The following CHLSN variants were observed in gnomAD, a reference collection of about 807,000 sequenced individuals.
CHLSN encodes cholesin, also known as protein cholesin.
the CHLSN span, among the ~76,000 whole-genome samples, chr7:1,016,874 GC>G: frequency 1.6e-5 from 1 of 61,972 alleles, no homozygotes; most frequent in Non-Finnish European, 2.8e-5. Context: ...ACACAGCAGC[GC>G]ACAGCAGCAC....
At chr7:1,000,478 T>G in the CHLSN span, 1 of 1,604,596 alleles carries the variant, frequency 6.2e-7, no homozygotes, top group Non-Finnish European at 8.5e-7. Context: ...ACCTTGTCAC[T>G]GTCATACATG....
At chr7:1,071,107 G>A in the CHLSN span, among the ~76,000 whole-genome samples, 1 of 152,182 alleles carries the variant, frequency 6.6e-6, no homozygotes, top group Admixed American at 6.5e-5. Context: ...AGGAGCCATG[G>A]GGGGGCCATG....
chr7:989,068 C>G, the CHLSN span: 1 of 459,346 alleles, frequency 2.2e-6, no homozygotes, highest in Non-Finnish European at 3.9e-6. Context: ...CCCCCAGGAG[C>G]GCCTCCAGGG....
At chr7:1,058,149 C>A in the CHLSN span, 1 of 740,390 alleles carries the variant, frequency 1.4e-6, no homozygotes. Context: ...GCTACTCTCC[C>A]GCGTCCGCAG....
chr7:1,066,290 T>C, the CHLSN span, among the ~76,000 whole-genome samples: 4 of 152,310 alleles, frequency 2.6e-5, no homozygotes, highest in East Asian at 7.7e-4. Context: ...CGTAGGTGTC[T>C]GCGCATCCGG....
At chr7:1,100,656 C>A in the CHLSN span, among the ~76,000 whole-genome samples, 1 of 152,062 alleles carries the variant, frequency 6.6e-6, no homozygotes, top group South Asian at 2.1e-4. Flanking sequence ...CCAGCTCTAG[C>A]GGAAACAAAG....
the CHLSN span, chr7:1,021,545 C>T: frequency 1.0e-5 from 10 of 985,470 alleles, no homozygotes; most frequent in Middle Eastern, 5.2e-4. Context: ...ATCCACCGCA[C>T]AGGAGTAGGG....
At chr7:1,055,307 TCA>T in the CHLSN span, 1 of 471,026 alleles carries the variant, frequency 2.1e-6, no homozygotes, top group African/African-American at 2.0e-5. Context: ...CCTGGGGCCC[TCA>T]CACGCACGCG....
the CHLSN span, among the ~76,000 whole-genome samples, chr7:1,117,361 G>A: frequency 2.9e-3 from 104 of 36,032 alleles, no homozygotes; most frequent in Non-Finnish European, 2.8e-3. Flanking sequence ...TGACATCACT[G>A]CAGCTCTACG....
At chr7:1,066,133 G>A in the CHLSN span, among the ~76,000 whole-genome samples, 5 of 152,258 alleles carry the variant, frequency 3.3e-5, no homozygotes, top group Non-Finnish European at 5.9e-5. Context: ...TGGAGGACAA[G>A]GAGAATGCGC....
At chr7:1,005,281 C>T in the CHLSN span, among the ~76,000 whole-genome samples, 4 of 152,194 alleles carry the variant, frequency 2.6e-5, no homozygotes, top group Non-Finnish European at 5.9e-5. Context: ...CAGAGTGAGA[C>T]TCCATCTCAA....
At chr7:1,012,347 G>A in the CHLSN span, among the ~76,000 whole-genome samples, 8 of 152,362 alleles carry the variant, frequency 5.3e-5, no homozygotes, top group African/African-American at 1.9e-4. Flanking sequence ...GTGGGCAACA[G>A]CAACGTGGGC....
chr7:995,905 G>A, the CHLSN span, among the ~76,000 whole-genome samples: 3 of 152,242 alleles, frequency 2.0e-5, no homozygotes, highest in Admixed American at 6.5e-5. Context: ...CCAAGGAAGA[G>A]CAAACAGCCT....
At chr7:1,127,502 T>C in the CHLSN span, 12 of 1,003,408 alleles carry the variant, frequency 1.2e-5, no homozygotes, top group East Asian at 2.7e-5. Context: ...AAGAGTATTA[T>C]GGAAAACATA....
At chr7:1,072,714 C>T in the CHLSN span, among the ~76,000 whole-genome samples, 2 of 142,676 alleles carry the variant, frequency 1.4e-5, no homozygotes, top group Non-Finnish European at 3.0e-5. Flanking sequence ...TGGAGTCTCG[C>T]TCCATCGTGC....
At chr7:1,066,458 C>T in the CHLSN span, among the ~76,000 whole-genome samples, 1 of 152,242 alleles carries the variant, frequency 6.6e-6, no homozygotes, top group Admixed American at 6.5e-5. Flanking sequence ...GGGGGCCCTG[C>T]TCAACAGCCT....
chr7:1,098,457 C>T, the CHLSN span, among the ~76,000 whole-genome samples: 4 of 152,334 alleles, frequency 2.6e-5, no homozygotes, highest in African/African-American at 4.8e-5. Flanking sequence ...AGGAACAAAG[C>T]GTGGACCACA....
At chr7:1,001,753 G>T in the CHLSN span, among the ~76,000 whole-genome samples, 5 of 120,486 alleles carry the variant, frequency 4.1e-5, no homozygotes, top group African/African-American at 3.3e-5. Context: ...TCCTGTGGGT[G>T]AGTGGAGTCC....
chr7:1,083,644 AAAC>A, the CHLSN span, among the ~76,000 whole-genome samples: 1 of 148,552 alleles, frequency 6.7e-6, no homozygotes, highest in African/African-American at 2.6e-5. Context: ...AAAACAAAAA[AAAC>A]AAAAAAAAAC....
Sources: gnomAD v4.1 joint callset for allele counts (sites outside exome capture counted in the v4.1 genomes callset) on GRCh38, gnomAD v4.1.1 for gene constraint, MANE v1.5 for transcripts, NCBI Gene and HGNC (gene_info 2026-07-23, HGNC 2026-07-21) for gene names.